Variants in PLB1 observed in about 807,000 individuals in gnomAD.
The protein encoded by PLB1 is phospholipase B1, also known as phospholipase B1, membrane-associated.
In PLB1, 242 loss-of-function variants were observed where a neutral mutation model predicts 227.4. The ratio of observed to expected loss-of-function variants is 1.06; its 90% CI spans 0.96 to 1.18. The LOEUF (loss-of-function observed/expected upper bound fraction) is 1.18, where lower values mean the gene tolerates loss of function less well. Ranked by LOEUF, PLB1 falls within the 50% of genes most tolerant of loss-of-function variation. PLB1 has a pLI of 0.00. For synonymous variants in PLB1, 757 were observed against 682.2 expected (o/e 1.11, Z -1.71); for missense variants, 1,858 against 1,816.3 (o/e 1.02, Z -0.42).
At chr2:28,613,920 C>A in intron 43 of PLB1, 111 bp from the exon 44 acceptor site, 1 of 891,714 alleles carries the variant, frequency 1.1e-6, no homozygotes, top group Non-Finnish European at 1.8e-6. Context: ...TATATAAGTG[C>A]AGAAGAATCA....
At chr2:28,553,181 G>GA (rs1674517805) in intron 17 of PLB1, among the ~76,000 whole-genome samples, 190 bp downstream of exon 17, 1 of 152,196 alleles carries the variant, frequency 6.6e-6, no homozygotes, top group Admixed American at 6.5e-5. Flanking sequence ...ATCATTATCA[G>GA]AAAGCATTTA....
chr2:28,587,082 C>G (rs1001839527), intron 26 of PLB1, among the ~76,000 whole-genome samples: 1 of 152,234 alleles, frequency 6.6e-6, no homozygotes, highest in Admixed American at 6.5e-5. Flanking sequence ...GCACCTGTGA[C>G]TCTGGGGAGG....
At chr2:28,526,019 A>G in intron 6 of PLB1, 74 bp downstream of exon 6, 1 of 1,538,394 alleles carries the variant, frequency 6.5e-7, no homozygotes, top group Non-Finnish European at 9.0e-7. Flanking sequence ...CTCTCTAATA[A>G]AGAGAATGGA....
chr2:28,525,634 C>G (rs982913354), intron 5 of PLB1, among the ~76,000 whole-genome samples: 2 of 152,150 alleles, frequency 1.3e-5, no homozygotes, highest in African/African-American at 4.8e-5. Context: ...GGCTCAGTCT[C>G]ATTCTACCCT....
chr2:28,548,922 T>C lies in PLB1; in HGVS notation c.999T>C (p.Cys333=). The C allele has an allele frequency of 6.2e-7, 1 of 1,613,962 alleles. No homozygotes were observed. ...TAAAACACGGGAGGCCAATGAAGTG[T>C]CCCTCTCAGGTAGGAGGGACTGGGC... ...LSVKHGRPMK[C]PSQESPYLFS... Residue 333 remains cysteine (C), a synonymous_variant, in exon 15 of 58, where the codon TGT becomes TGC. Transcript: ENST00000327757.
At position 28,644,100 on chromosome 2, in the gene PLB1, G is replaced by A. The variant is rs1411913370; in HGVS notation, c.*1039G>A. On this transcript the variant is annotated 3_prime_UTR_variant, in exon 58 of 58. Transcript: ENST00000327757. The stretch of plus-strand genomic sequence containing the variant: ...TAAAATGATTAATTGTGTATCATGT[G>A]AATTTCACTTCAATAAAAAAGAATC... 1.3e-5 allele frequency among the ~76,000 whole-genome samples: 2 copies of A among 152,224 alleles called. No individual in the cohort carries two copies. Among genetic ancestry groups the A allele is most frequent in the African/African-American group, 2.4e-5 (1 of 41,450 alleles).
At chr2:28,604,095 T>C in intron 40 of PLB1, 48 bp downstream of exon 40, 2 of 1,521,874 alleles carry the variant, frequency 1.3e-6, no homozygotes, top group Non-Finnish European at 1.8e-6. Context: ...CTACGTTCAC[T>C]CTAACACACA....
At chr2:28,536,562 T>C (rs1397821967) in intron 9 of PLB1, among the ~76,000 whole-genome samples, 1 of 152,206 alleles carries the variant, frequency 6.6e-6, no homozygotes, top group East Asian at 1.9e-4. Flanking sequence ...CTGAATAATA[T>C]CCCATTCCTT....
chr2:28,592,820 C>T, intron 32 of PLB1, 101 bp downstream of exon 32: 2 of 1,091,838 alleles, frequency 1.8e-6, no homozygotes, highest in South Asian at 1.5e-5. Context: ...TCTGCCTTAT[C>T]TTGCCCCTCT....
Position 28,629,170 on chromosome 2 carries a change from C to T in PLB1, c.3803C>T (p.Ala1268Val), listed in dbSNP as rs1189535450. 2 of 1,613,650 alleles carry T rather than the reference C, an allele frequency of 1.2e-6. No homozygotes were observed. The highest frequency in any genetic ancestry group is 2.2e-5 in the East Asian group (1 of 44,864). The stretch of plus-strand genomic sequence containing the variant: ...TACCAGGGCCAAGGCGGGAAATGTG[C>T]CATGCTGGCAGCTCAGTAAGTGGAC... ...SLYQGQGGKC[A>V]MLAAQNNCTC... is the part of the protein sequence containing the mutation. The change falls in exon 53 of 58, where the codon GCC (alanine) becomes GTC (valine). Residue 1268 changes from alanine to valine, a missense_variant. Transcript: ENST00000327757.
intron 20 of PLB1, among the ~76,000 whole-genome samples, chr2:28,571,820 A>T (rs1366483136): frequency 6.6e-6 from 1 of 152,186 alleles, no homozygotes; most frequent in Non-Finnish European, 1.5e-5. Flanking sequence ...TAAATGTAAG[A>T]GCTAAAACTA....
rs1486247000 is a variant in PLB1, at chr2:28,620,497, C to A, written c.3384-103C>A. The A allele has an allele frequency of 3.4e-6, 5 of 1,452,342 alleles. No individual in the cohort carries two copies. In the Admixed American group the frequency reaches 1.0e-4, roughly 30 times the overall value. The allele number at this position is 1,452,342 out of a possible 1,614,324, so 90.0% of individuals were successfully genotyped here. A position where few individuals can be genotyped will look rare whatever the true frequency, so the allele number is the denominator to read the frequency against. On this transcript the variant is annotated intron_variant, in intron 47 of 57. Coordinates refer to ENST00000327757, the MANE Select transcript of PLB1 (RefSeq NM_153021.5). ...ACCCCTGAGGGTGATGGGAGAGACG[C>A]CCCAGGGGCCCAGAACCCGGTTCCG... is the stretch of plus-strand genomic sequence containing the variant.
intron 9 of PLB1, among the ~76,000 whole-genome samples, chr2:28,533,580 T>C (rs1671298437): frequency 6.6e-6 from 1 of 152,262 alleles, no homozygotes; most frequent in African/African-American, 2.4e-5. Context: ...TGCTGCATTC[T>C]TCTATGTATT....
Position 28,630,588 on chromosome 2 carries a change from A to G in PLB1, c.3821A>G (p.Asn1274Ser). Residue 1274 changes from asparagine to serine, a missense_variant and splice_region_variant, in exon 54 of 58, where the codon AAC (asparagine) becomes AGC (serine). Asn to Ser is a conservative substitution (Grantham distance 46). Transcript: ENST00000327757. ...GGKCAMLAAQ[N>S]NCTCLRHSQS... ...ATACAACACTCCCTGTCTCACAGGA[A>G]CAACTGCACTTGCCTCAGACACTCG... 1 of 1,613,564 alleles carries G rather than the reference A, an allele frequency of 6.2e-7. No homozygotes were observed. The highest frequency in any genetic ancestry group is 8.5e-7 in the Non-Finnish European group (1 of 1,179,630).
chr2:28,529,890 G>T, intron 8 of PLB1, 111 bp downstream of exon 8: 11 of 950,570 alleles, frequency 1.2e-5, no homozygotes, highest in African/African-American at 6.5e-5. Flanking sequence ...TCGGCAACTA[G>T]TGTGACCTGG....
intron 43 of PLB1, among the ~76,000 whole-genome samples, chr2:28,611,773 C>G (rs1408252691): frequency 5.9e-5 from 9 of 152,110 alleles, no homozygotes; most frequent in Admixed American, 5.2e-4. Context: ...CACCATAAGC[C>G]CTCTCCTGTC....
At position 28,591,116 on chromosome 2, in the gene PLB1, C is replaced by T. The variant is rs150008300; in HGVS notation, c.2089-17C>T. 5.0e-6 allele frequency: 8 copies of T among 1,613,884 alleles called. No individual in the cohort carries two copies. Among genetic ancestry groups the T allele is most frequent in the African/African-American group, 2.7e-5 (2 of 75,028 alleles). Reference sequence around the variant, plus strand: ...GAGCAGAATTTGCTGCCATTGCTCACCCCCCTCTCCTCACAGGTCCAGCCG... The same window carrying T: ...GAGCAGAATTTGCTGCCATTGCTCATCCCCCTCTCCTCACAGGTCCAGCCG... On this transcript the variant is annotated splice_polypyrimidine_tract_variant and intron_variant, in intron 29 of 57. Transcript: ENST00000327757.
At chr2:28,515,708 C>G (rs1054294453) in intron 1 of PLB1, among the ~76,000 whole-genome samples, 4 of 152,164 alleles carry the variant, frequency 2.6e-5, no homozygotes, top group Admixed American at 2.6e-4. Flanking sequence ...GTCAGGCTTC[C>G]TTTTGGCATT....
At chr2:28,631,923 C>G in intron 54 of PLB1, 113 bp from the exon 55 acceptor site, 2 of 819,402 alleles carry the variant, frequency 2.4e-6, no homozygotes, top group South Asian at 3.0e-5. Flanking sequence ...CTTAAAGTCA[C>G]TGTCCTTTAG....
Sources: allele counts gnomAD v4.1 joint callset (sites outside exome capture counted in the v4.1 genomes callset), GRCh38; gene constraint gnomAD v4.1.1; transcripts MANE v1.5; gene names NCBI Gene and HGNC (gene_info 2026-07-23, HGNC 2026-07-21).